The following AFF3 variants were observed in gnomAD, a reference collection of about 807,000 sequenced individuals.
AFF3 encodes the protein ALF transcription elongation factor 3.
AFF3 carries 32 observed loss-of-function variants against 129.7 expected under a neutral mutation model. That is an observed-to-expected ratio of 0.25 (90% CI 0.19 to 0.33). The LOEUF (loss-of-function observed/expected upper bound fraction) is 0.33. AFF3 is among the 10% of genes least tolerant of loss of function. The pLI, the probability that AFF3 is intolerant of heterozygous loss-of-function variation, is 1.00. For synonymous variants in AFF3, 644 were observed against 635.4 expected, an observed-to-expected ratio of 1.01 and a Z score of -0.20; for missense variants, 1,373 against 1,592.0, an observed-to-expected ratio of 0.86 and a Z score of 2.34.
chr2:99,946,831 C>T (rs187293602), intron 7 of AFF3, among the ~76,000 whole-genome samples: 77 of 152,248 alleles, frequency 5.1e-4, no homozygotes, highest in African/African-American at 1.5e-3. Flanking sequence ...TCTCTGCATC[C>T]GCAATTATAT....
rs751170756 is a variant in AFF3 at position 99,649,684 on chromosome 2, C to A, written c.1144-18G>T. On this transcript the variant is annotated intron_variant, in intron 12 of 24. Transcript: ENST00000672756. ...GCTGCCTGCTGGAAGAAAGAAAGGG[C>A]AGAGATGTTTATTTAATATTCTGAC... is the stretch of plus-strand genomic sequence containing the variant. The A allele has an allele frequency of 4.3e-6, 7 of 1,613,838 alleles. No homozygotes were observed. In the East Asian group the frequency reaches 1.3e-4, roughly 31 times the overall value.
At chr2:100,043,694 C>A (rs541644074) in intron 4 of AFF3, among the ~76,000 whole-genome samples, 1 of 152,264 alleles carries the variant, frequency 6.6e-6, no homozygotes, top group South Asian at 2.1e-4. Context: ...CTGCCATCTA[C>A]CAAACCATCA....
chr2:99,688,245 C>T (rs1448595646), intron 11 of AFF3, among the ~76,000 whole-genome samples: 1 of 152,120 alleles, frequency 6.6e-6, no homozygotes, highest in Non-Finnish European at 1.5e-5. Context: ...AGGTACTACA[C>T]TATAGTGGTG....
chr2:100,027,485 T>C (rs1684140847), intron 4 of AFF3, among the ~76,000 whole-genome samples: 1 of 152,184 alleles, frequency 6.6e-6, no homozygotes, highest in Non-Finnish European at 1.5e-5. Context: ...TATAGATAGA[T>C]AACAATTTAC....
chr2:99,641,217 C>T (rs1426318972), intron 13 of AFF3, among the ~76,000 whole-genome samples: 2 of 152,212 alleles, frequency 1.3e-5, no homozygotes, highest in Non-Finnish European at 2.9e-5. Flanking sequence ...CTGTGTCCCT[C>T]CAGTGACACT....
At chr2:99,745,607 C>A (rs569330926) in intron 9 of AFF3, among the ~76,000 whole-genome samples, 1 of 152,264 alleles carries the variant, frequency 6.6e-6, no homozygotes, top group East Asian at 1.9e-4. Context: ...TTTACTGCCA[C>A]CCATTTCCTG....
chr2:99,601,414 C>T (rs1404924856), intron 14 of AFF3, 21 bp downstream of exon 14: 1 of 1,578,842 alleles, frequency 6.3e-7, no homozygotes, highest in Non-Finnish European at 8.6e-7. Context: ...AGAGGAGAGG[C>T]CTGAGCCAGG....
At chr2:99,982,828 A>G (rs1048574039) in intron 7 of AFF3, among the ~76,000 whole-genome samples, 2 of 152,220 alleles carry the variant, frequency 1.3e-5, no homozygotes, top group Non-Finnish European at 1.5e-5. Flanking sequence ...AGAACAGAAA[A>G]AAATTCCAAA....
At chr2:99,980,323 A>G (rs1281254061) in intron 7 of AFF3, among the ~76,000 whole-genome samples, 1 of 152,230 alleles carries the variant, frequency 6.6e-6, no homozygotes, top group Non-Finnish European at 1.5e-5. Context: ...GGTGTCAAGG[A>G]GTCCATGTTT....
intron 1 of AFF3, among the ~76,000 whole-genome samples, chr2:100,139,992 T>A (rs1692796021): frequency 6.6e-6 from 1 of 152,192 alleles, no homozygotes. Flanking sequence ...AAAGAACAAG[T>A]TAAATCATAC....
intron 13 of AFF3, among the ~76,000 whole-genome samples, chr2:99,614,343 T>C (rs1305474721): frequency 1.3e-5 from 2 of 152,238 alleles, no homozygotes; most frequent in Admixed American, 1.3e-4. Flanking sequence ...GCTGATGCTA[T>C]TGTAGCATCT....
intron 11 of AFF3, among the ~76,000 whole-genome samples, chr2:99,694,551 TA>T (rs1273306210): frequency 6.6e-6 from 1 of 152,168 alleles, no homozygotes; most frequent in Non-Finnish European, 1.5e-5. Context: ...TTGCTCTCCG[TA>T]AGTCCTTTCC....
intron 8 of AFF3, among the ~76,000 whole-genome samples, chr2:99,772,838 C>A (rs1683598704): frequency 6.6e-6 from 1 of 152,210 alleles, no homozygotes; most frequent in Non-Finnish European, 1.5e-5. Context: ...AATCCTGACA[C>A]CAGATTAATC....
chr2:99,888,743 G>T (rs1024331039), intron 7 of AFF3, among the ~76,000 whole-genome samples: 1 of 151,672 alleles, frequency 6.6e-6, no homozygotes, highest in African/African-American at 2.4e-5. Flanking sequence ...AGCTGTCTTT[G>T]TCAAGCACTG....
At chr2:99,728,185 A>C (rs886355695) in intron 10 of AFF3, among the ~76,000 whole-genome samples, 2 of 152,194 alleles carry the variant, frequency 1.3e-5, no homozygotes, top group Non-Finnish European at 1.5e-5. Flanking sequence ...CTCATTCTGT[A>C]AGGAGTTTCT....
chr2:99,557,437 G>T (rs1052649401), intron 22 of AFF3, among the ~76,000 whole-genome samples: 1 of 152,024 alleles, frequency 6.6e-6, no homozygotes, highest in Non-Finnish European at 1.5e-5. Flanking sequence ...CTGCCACCAC[G>T]CCTGGCGTGT....
At chr2:99,610,265 G>A (rs1680793113) in intron 13 of AFF3, among the ~76,000 whole-genome samples, 2 of 152,130 alleles carry the variant, frequency 1.3e-5, no homozygotes, top group African/African-American at 4.8e-5. Context: ...ACCCTTTTAG[G>A]AGCATTCACG....
At chr2:100,092,614 A>G (rs1573400823) in intron 4 of AFF3, among the ~76,000 whole-genome samples, 1 of 152,314 alleles carries the variant, frequency 6.6e-6, no homozygotes, top group African/African-American at 2.4e-5. Flanking sequence ...CCATCCTGCC[A>G]TTCCCAACCT....
At chr2:99,774,886 C>T (rs1683768207) in intron 8 of AFF3, among the ~76,000 whole-genome samples, 1 of 151,020 alleles carries the variant, frequency 6.6e-6, no homozygotes, top group Admixed American at 6.6e-5. Context: ...AGAACTTAAA[C>T]AAATTTACAA....
Sources: gnomAD v4.1 joint callset for allele counts (sites outside exome capture counted in the v4.1 genomes callset) on GRCh38, gnomAD v4.1.1 for gene constraint, MANE v1.5 for transcripts, NCBI Gene and HGNC (gene_info 2026-07-23, HGNC 2026-07-21) for gene names.